Variants in PTPRO observed in about 807,000 individuals in gnomAD.
PTPRO encodes the protein receptor-type tyrosine-protein phosphatase O.
A neutral mutation model predicts 145.2 loss-of-function variants in PTPRO; 62 were observed. That is an observed-to-expected ratio of 0.43 (90% CI 0.35 to 0.53). The LOEUF is 0.53. Ranked by LOEUF, PTPRO falls within the 20% of genes least tolerant of loss-of-function variation. PTPRO has a pLI of 0.01. For synonymous variants in PTPRO, 565 were observed against 514.7 expected (o/e 1.10, Z -1.32); for missense variants, 1,345 against 1,482.7 (o/e 0.91, Z 1.53).
At chr12:15,579,028 T>C (rs1265932951) in intron 20 of PTPRO, 85 bp downstream of exon 20, 1 of 1,216,882 alleles carries the variant, frequency 8.2e-7, no homozygotes, top group Non-Finnish European at 1.2e-6. Context: ...CACCAATCTC[T>C]GGCCATACCC....
At chr12:15,545,601 A>G (rs191460040) in intron 12 of PTPRO, among the ~76,000 whole-genome samples, 231 of 152,096 alleles carry the variant, frequency 1.5e-3, no homozygotes, top group African/African-American at 5.5e-3. Flanking sequence ...ATTACTAGAA[A>G]TAAGTATGAA....
intron 2 of PTPRO, 149 bp downstream of exon 2, chr12:15,484,396 A>T: frequency 2.3e-6 from 2 of 873,832 alleles, no homozygotes; most frequent in Non-Finnish European, 3.6e-6. Flanking sequence ...AGCTATATTA[A>T]GAATACAGCT....
intron 10 of PTPRO, among the ~76,000 whole-genome samples, chr12:15,523,305 G>A (rs959523288): frequency 2.0e-5 from 3 of 152,176 alleles, no homozygotes; most frequent in Non-Finnish European, 4.4e-5. Flanking sequence ...ATGGAACACC[G>A]ACTGTCTTCA....
chr12:15,506,253 T>C (rs534222194), intron 6 of PTPRO, among the ~76,000 whole-genome samples: 1 of 152,232 alleles, frequency 6.6e-6, no homozygotes, highest in East Asian at 1.9e-4. Context: ...ACACATATTA[T>C]CTCATTTGAT....
At position 15,344,557 on chromosome 12, in the gene PTPRO, T is replaced by C. The variant is rs529914534; in HGVS notation, c.75+21756T>C. ...ATACATTATTGATATTGCTCCACAT[T>C]GAAAGTTAAAACTTTTATATATGTT... is the stretch of plus-strand genomic sequence containing the variant. On this transcript the variant is annotated intron_variant, in intron 1 of 26. Transcript: ENST00000281171. Among the ~76,000 whole-genome samples the C allele has an allele frequency of 8.5e-5, 13 of 152,358 alleles. No individual in the cohort carries two copies. The East Asian group carries it at 1.9e-3, about 23-fold the overall frequency.
rs1452106535 is a variant in PTPRO at position 15,560,116 on chromosome 12, G to A, written c.2628-77G>A. 15 of 984,376 alleles carry A rather than the reference G, an allele frequency of 1.5e-5. 1 individual carries two copies. The highest frequency in any genetic ancestry group is 2.5e-5 in the Non-Finnish European group (15 of 610,528). 61.0% of individuals were successfully genotyped at this position (984,376 alleles called of 1,614,324 possible). A position where few individuals can be genotyped will look rare whatever the true frequency, so the allele number is the denominator to read the frequency against. On this transcript the variant is annotated intron_variant, in intron 16 of 26. Transcript: ENST00000281171. Reference sequence around the variant, plus strand: ...AATTAATCCCAATAGGTAATTTACTGATATCTATTCACAGTTTATATTACT... The same window carrying A: ...AATTAATCCCAATAGGTAATTTACTAATATCTATTCACAGTTTATATTACT...
At chr12:15,473,110 A>C (rs150614380) in intron 1 of PTPRO, among the ~76,000 whole-genome samples, 1,530 of 152,320 alleles carry the variant, frequency 0.01, 13 homozygotes, top group Admixed American at 0.016. Context: ...TAGAGTGGGA[A>C]AGAAGCAGTG....
chr12:15,502,154 A>G (rs1257942301), intron 5 of PTPRO, 91 bp downstream of exon 5: 4 of 1,237,322 alleles, frequency 3.2e-6, no homozygotes, highest in African/African-American at 1.5e-5. Flanking sequence ...AAGACTGATC[A>G]TAGACAGTTA....
intron 25 of PTPRO, among the ~76,000 whole-genome samples, chr12:15,591,263 C>G (rs1944545309): frequency 6.6e-6 from 1 of 151,914 alleles, no homozygotes; most frequent in Non-Finnish European, 1.5e-5. Flanking sequence ...CCCAGCTACT[C>G]GGGAGGCTGA....
At chr12:15,366,479 T>C (rs1679596696) in intron 1 of PTPRO, among the ~76,000 whole-genome samples, 4 of 152,198 alleles carry the variant, frequency 2.6e-5, no homozygotes, top group Admixed American at 2.0e-4. Context: ...AAAAGCATAG[T>C]TCAAACTTGC....
At chr12:15,416,470 C>T (rs1939978510) in intron 1 of PTPRO, among the ~76,000 whole-genome samples, 1 of 151,374 alleles carries the variant, frequency 6.6e-6, no homozygotes, top group African/African-American at 2.5e-5. Flanking sequence ...CAGGCGCCCA[C>T]CACCATGCCT....
intron 1 of PTPRO, among the ~76,000 whole-genome samples, chr12:15,333,190 A>G (rs1200409846): frequency 6.6e-6 from 1 of 152,216 alleles, no homozygotes; most frequent in African/African-American, 2.4e-5. Flanking sequence ...CAGATTTTAT[A>G]TTATTCCAAT....
Position 15,589,462 on chromosome 12 carries a change from G to A in PTPRO, c.3418G>A (p.Val1140Met). The change falls in exon 25 of 27, where the codon GTG becomes ATG. Residue 1140 changes from valine to methionine, a missense_variant. By Grantham distance (21) the Val-to-Met change is conservative. This residue lies in a region of PTPRO where 208 missense variants were observed against 242.8 expected (regional missense o/e 0.86). Coordinates refer to ENST00000281171, the MANE Select transcript of PTPRO (RefSeq NM_030667.3). ...GPMIIHCSAG[V>M]GRTGTFIALD... The stretch of plus-strand genomic sequence containing the variant: ...CGGAACATTCTTTTGCAGTGCTGGC[G>A]TGGGACGGACAGGAACATTCATTGC... 3.7e-6 allele frequency: 6 copies of A among 1,614,082 alleles called. No homozygotes were observed. Among genetic ancestry groups the A allele is most frequent in the South Asian group, 2.2e-5 (2 of 91,078 alleles).
At chr12:15,507,410 AAAATAAATAAATAAAT>A (rs201609031) in intron 6 of PTPRO, among the ~76,000 whole-genome samples, 44 of 123,002 alleles carry the variant, frequency 3.6e-4, no homozygotes, top group Admixed American at 1.1e-3. Flanking sequence ...ACTCCATCTC[AAAATAAATAAATAAAT>A]AAATAAATAA....
rs548414780 is a variant in PTPRO at position 15,558,312 on chromosome 12, A to T, written c.2627+789A>T. Among the ~76,000 whole-genome samples the T allele has an allele frequency of 1.7e-4, 26 of 152,354 alleles. 1 individual carries two copies. Among genetic ancestry groups the T allele is most frequent in the African/African-American group, 6.0e-4 (25 of 41,596 alleles). ...CTTCTGTTAAAAAGTTGTACAGCCC[A>T]GTATTCAGTTCTCATGCTTACAGAT... On this transcript the variant is annotated intron_variant, in intron 16 of 26. Coordinates refer to ENST00000281171, the MANE Select transcript of PTPRO (RefSeq NM_030667.3).
rs186081447 is a variant in PTPRO, at chr12:15,428,017, T to C, written c.76-55957T>C. 3.7e-3 allele frequency among the ~76,000 whole-genome samples: 557 copies of C among 152,276 alleles called. 4 individuals are homozygous for C. The highest frequency in any genetic ancestry group is 0.013 in the African/African-American group (540 of 41,564). ...ACTACAGTGGTTTTAACAATTGTTA[T>C]GAAAGGCTGGTTTTGCAGCAGGCTT... On this transcript the variant is annotated intron_variant, in intron 1 of 26. Coordinates refer to ENST00000281171, the MANE Select transcript of PTPRO (RefSeq NM_030667.3).
chr12:15,529,542 C>T (rs1433192674), intron 12 of PTPRO, among the ~76,000 whole-genome samples: 1 of 151,728 alleles, frequency 6.6e-6, no homozygotes, highest in Non-Finnish European at 1.5e-5. Context: ...ACTTGGGAGG[C>T]TGAGGCAGGA....
intron 1 of PTPRO, among the ~76,000 whole-genome samples, chr12:15,342,867 G>A (rs1413594693): frequency 3.3e-5 from 5 of 152,158 alleles, no homozygotes; most frequent in South Asian, 2.1e-4. Context: ...GCTGTGGGCC[G>A]ATAGGTTTCT....
chr12:15,580,924 A>G, intron 22 of PTPRO, 93 bp downstream of exon 22: 1 of 1,502,254 alleles, frequency 6.7e-7, no homozygotes, highest in Non-Finnish European at 9.2e-7. Flanking sequence ...AAGTCAAATA[A>G]AACATAGAGA....
Sources: gnomAD v4.1 joint callset for allele counts (sites outside exome capture counted in the v4.1 genomes callset) on GRCh38, gnomAD v4.1.1 for gene constraint, gnomAD v4.1.1 regional missense constraint, MANE v1.5 for transcripts, NCBI Gene and HGNC (gene_info 2026-07-23, HGNC 2026-07-21) for gene names.